The following FSD1L variants were observed in gnomAD, a reference collection of about 807,000 sequenced individuals.
FSD1L encodes FSD1-like protein.
Under a neutral mutation model 71.6 loss-of-function variants are expected in FSD1L, and 45 were observed. That is an observed-to-expected ratio of 0.63 (90% CI 0.49 to 0.81). The LOEUF (loss-of-function observed/expected upper bound fraction) is 0.81, where lower values mean the gene tolerates loss of function less well. Among genes scored for constraint, FSD1L ranks in the 30% least tolerant of loss-of-function variants. The pLI is 0.00. For missense variants in FSD1L, 561 were observed against 618.1 expected (o/e 0.91, Z 0.98); for synonymous variants, 197 against 207.2 (o/e 0.95, Z 0.42).
intron 12 of FSD1L, 135 bp downstream of exon 12, chr9:105,535,453 T>C (rs192864277): frequency 1.1e-6 from 1 of 887,924 alleles, no homozygotes; most frequent in East Asian, 2.6e-5. Context: ...TTGATTGCAA[T>C]CATAATCTCA....
At chr9:105,449,320 ACT>A (rs1564070288) in intron 1 of FSD1L, among the ~76,000 whole-genome samples, 2 of 152,012 alleles carry the variant, frequency 1.3e-5, no homozygotes, top group African/African-American at 4.8e-5. Context: ...TGGTCTTGAA[ACT>A]CACCTTGGAA....
intron 7 of FSD1L, among the ~76,000 whole-genome samples, chr9:105,491,306 T>TA (rs1832920805): frequency 1.3e-5 from 2 of 151,282 alleles, no homozygotes; most frequent in South Asian, 2.1e-4. Context: ...GGCTCTCTGT[T>TA]GTTGGTGTAT....
chr9:105,452,669 G>GCCTTCCTTCCTTCCTT (rs1166449916), intron 1 of FSD1L, among the ~76,000 whole-genome samples: 1,261 of 96,130 alleles, frequency 0.013, 9 homozygotes, highest in Non-Finnish European at 0.016. Context: ...CTGCCTGCCT[G>GCCTTCCTTCCTTCCTT]CCTTCCTTCC....
rs563202778 is a variant in FSD1L, at chr9:105,541,988, A to G, written c.1467+2637A>G. Among the ~76,000 whole-genome samples the G allele has an allele frequency of 2.6e-5, 4 of 152,282 alleles. No homozygotes were observed. In the South Asian group the frequency reaches 8.3e-4, roughly 32 times the overall value. On this transcript the variant is annotated intron_variant, in intron 13 of 13. Transcript: ENST00000481272. ...TTCATTGCTGAGTAGTGTTTCATAT[A>G]TGTATGTATCACAGTTTATTCATTC...
intron 10 of FSD1L, chr9:105,524,949 C>G: frequency 6.2e-7 from 1 of 1,613,764 alleles, no homozygotes; most frequent in Admixed American, 1.7e-5. Context: ...AATAATACAA[C>G]CTTAGTGTCC....
intron 1 of FSD1L, among the ~76,000 whole-genome samples, chr9:105,455,451 A>C (rs1467079212): frequency 6.6e-6 from 1 of 152,194 alleles, no homozygotes; most frequent in Non-Finnish European, 1.5e-5. Context: ...GGATGATGCA[A>C]GTGGCATCAT....
At chr9:105,519,002 A>G (rs991194755) in intron 10 of FSD1L, among the ~76,000 whole-genome samples, 3 of 152,250 alleles carry the variant, frequency 2.0e-5, no homozygotes, top group African/African-American at 4.8e-5. Context: ...CAGAAATACA[A>G]ACTACCATCA....
At chr9:105,494,849 G>A (rs546098437) in intron 7 of FSD1L, among the ~76,000 whole-genome samples, 2 of 152,128 alleles carry the variant, frequency 1.3e-5, no homozygotes, top group African/African-American at 2.4e-5. Flanking sequence ...CTGTCTTATC[G>A]TTCCCCTGGA....
chr9:105,518,243 A>T (rs1360850873), intron 10 of FSD1L, among the ~76,000 whole-genome samples: 2 of 151,960 alleles, frequency 1.3e-5, no homozygotes, highest in Non-Finnish European at 2.9e-5. Flanking sequence ...TCAATATTAG[A>T]CAGATCAATG....
intron 6 of FSD1L, among the ~76,000 whole-genome samples, chr9:105,483,311 A>G (rs541677993): frequency 2.2e-4 from 33 of 152,314 alleles, no homozygotes; most frequent in African/African-American, 7.7e-4. Context: ...AAAATAAGTG[A>G]ATATAGCAAG....
chr9:105,537,917 G>A (rs954320775), intron 12 of FSD1L, among the ~76,000 whole-genome samples: 9 of 152,210 alleles, frequency 5.9e-5, no homozygotes, highest in Non-Finnish European at 1.0e-4. Context: ...ATTTGACAGT[G>A]TAGAAGTAGA....
intron 7 of FSD1L, among the ~76,000 whole-genome samples, chr9:105,493,433 A>T (rs1237652287): frequency 1.3e-5 from 2 of 151,816 alleles, no homozygotes; most frequent in Admixed American, 6.6e-5. Flanking sequence ...CAGCACACTG[A>T]TGGGTCTTGA....
At chr9:105,502,108 G>A (rs1235413770) in intron 7 of FSD1L, among the ~76,000 whole-genome samples, 1 of 151,920 alleles carries the variant, frequency 6.6e-6, no homozygotes, top group Non-Finnish European at 1.5e-5. Context: ...GAATAGTAAA[G>A]GCTGTTGTCT....
At position 105,475,636 on chromosome 9, in the gene FSD1L, T is replaced by C. The variant is rs138970528; in HGVS notation, c.441+3631T>C. On this transcript the variant is annotated intron_variant, in intron 5 of 13. Coordinates refer to ENST00000481272, the MANE Select transcript of FSD1L (RefSeq NM_001145313.3). ...ATAAAAAAACAGATCTAAATATTTG[T>C]TAAGCACAGGTCAAATTGTAGTTTT... Among the ~76,000 whole-genome samples the C allele has an allele frequency of 2.6e-3, 391 of 152,326 alleles. 2 individuals are homozygous for C. Among genetic ancestry groups the C allele is most frequent in the African/African-American group, 8.6e-3 (357 of 41,588 alleles).
At chr9:105,522,010 T>TG in intron 10 of FSD1L, 1 of 1,613,332 alleles carries the variant, frequency 6.2e-7, no homozygotes, top group Non-Finnish European at 8.5e-7. Flanking sequence ...CTGCTTGTGT[T>TG]GCTCAGAGTC....
At chr9:105,524,803 T>A in intron 10 of FSD1L, 1 of 1,590,732 alleles carries the variant, frequency 6.3e-7, no homozygotes, top group Non-Finnish European at 8.6e-7. Flanking sequence ...GTAAATCACC[T>A]GGGCCATTAT....
chr9:105,492,924 G>A (rs1833059299), intron 7 of FSD1L, among the ~76,000 whole-genome samples: 1 of 152,148 alleles, frequency 6.6e-6, no homozygotes, highest in Admixed American at 6.5e-5. Flanking sequence ...TTCCAAGTAT[G>A]TGGTCAATTT....
Position 105,535,113 on chromosome 9 carries a change from C to G in FSD1L, c.1173C>G (p.Ala391=), listed in dbSNP as rs1265053219. 6 of 1,551,248 alleles carry G rather than the reference C, an allele frequency of 3.9e-6. No homozygotes were observed. Among genetic ancestry groups the G allele is most frequent in the Non-Finnish European group, 5.2e-6 (6 of 1,146,854 alleles). The change falls in exon 12 of 14, where the codon GCC becomes GCG. Residue 391 remains alanine, a synonymous_variant. Coordinates refer to ENST00000481272, the MANE Select transcript of FSD1L (RefSeq NM_001145313.3). ...ESGQHYWEVK[A]QKDCKSYSVG... is the part of the protein sequence containing the mutation. ...GACAACATTATTGGGAGGTCAAGGCCCAGAAGGATTGTAAATCCTACAGTG... is the reference window on the plus strand; with the variant it reads ...GACAACATTATTGGGAGGTCAAGGCGCAGAAGGATTGTAAATCCTACAGTG...
chr9:105,497,227 A>G (rs927995142), intron 7 of FSD1L, among the ~76,000 whole-genome samples: 5 of 150,880 alleles, frequency 3.3e-5, no homozygotes, highest in African/African-American at 4.9e-5. Flanking sequence ...CAGTTGGTCA[A>G]GGGTATAATT....
Sources: allele counts gnomAD v4.1 joint callset (sites outside exome capture counted in the v4.1 genomes callset), GRCh38; gene constraint gnomAD v4.1.1; transcripts MANE v1.5; gene names NCBI Gene and HGNC (gene_info 2026-07-23, HGNC 2026-07-21).